VPS41: variants seen among roughly 807,000 people sequenced by gnomAD.
VPS41 encodes the protein vacuolar protein sorting-associated protein 41 homolog.
VPS41 carries 85 observed loss-of-function variants against 130.9 expected under a neutral mutation model. That is an observed-to-expected ratio of 0.65 (90% confidence interval 0.55 to 0.78). The LOEUF is 0.78. Ranked by LOEUF, VPS41 falls within the 30% of genes least tolerant of loss-of-function variation. The pLI is 0.00. For synonymous variants in VPS41, 335 were observed against 332.9 expected (o/e 1.01, Z -0.07); for missense variants, 874 against 1,018.7 (o/e 0.86, Z 1.93).
intron 1 of VPS41, among the ~76,000 whole-genome samples, chr7:38,907,890 T>C (rs1176598845): frequency 6.6e-6 from 1 of 152,196 alleles, no homozygotes; most frequent in African/African-American, 2.4e-5. Flanking sequence ...AAAGGAGCAA[T>C]GGCAGTCATG....
chr7:38,750,765 T>G (rs1783653242), intron 22 of VPS41, among the ~76,000 whole-genome samples: 1 of 152,288 alleles, frequency 6.6e-6, no homozygotes, highest in Middle Eastern at 3.4e-3. Flanking sequence ...TACTGGAACC[T>G]GGGTGGCGCC....
At chr7:38,728,495 A>G in intron 27 of VPS41, 47 bp downstream of exon 27, 1 of 1,608,048 alleles carries the variant, frequency 6.2e-7, no homozygotes, top group Non-Finnish European at 8.5e-7. Flanking sequence ...GATTCCACTC[A>G]TCATTAAAAT....
intron 6 of VPS41, among the ~76,000 whole-genome samples, chr7:38,819,246 A>G (rs1785118833): frequency 6.6e-6 from 1 of 152,264 alleles, no homozygotes; most frequent in East Asian, 1.9e-4. Flanking sequence ...CACTTCCTTC[A>G]TGCCTGTTTC....
intron 1 of VPS41, among the ~76,000 whole-genome samples, chr7:38,904,560 CTCTG>C (rs1787214485): frequency 1.3e-5 from 2 of 152,180 alleles, no homozygotes; most frequent in African/African-American, 4.8e-5. Flanking sequence ...GATGATTAAC[CTCTG>C]TCTTATTTAT....
chr7:38,841,787 A>G (rs1031051177), intron 4 of VPS41, among the ~76,000 whole-genome samples: 3 of 152,176 alleles, frequency 2.0e-5, no homozygotes, highest in Admixed American at 1.3e-4. Context: ...TATTTTTAGT[A>G]GAGATAGGGT....
chr7:38,732,088 G>GA (rs1584360880), intron 25 of VPS41, among the ~76,000 whole-genome samples: 1 of 152,120 alleles, frequency 6.6e-6, no homozygotes, highest in Non-Finnish European at 1.5e-5. Flanking sequence ...GCCTCATTAG[G>GA]AAAAAACCCC....
At position 38,725,560 on chromosome 7, in the gene VPS41, G is replaced by A. The variant is rs1360063345; in HGVS notation, c.*686C>T. 2 of 152,220 alleles carry A rather than the reference G, an allele frequency of 1.3e-5. No homozygotes were observed. The highest frequency in any genetic ancestry group is 3.8e-4 in the East Asian group (2 of 5,198). The allele number at this position is 152,220 out of a possible 1,614,324, so 9.4% of individuals were successfully genotyped here. On this transcript the variant is annotated 3_prime_UTR_variant, in exon 29 of 29. Coordinates refer to ENST00000310301, the MANE Select transcript of VPS41 (RefSeq NM_014396.4). ...AGTAAAAGTGAGTCCTTCACAATGA[G>A]AAGAGCTAACATTTATTCAATCAAC...
At chr7:38,835,356 C>T (rs993101399) in intron 4 of VPS41, among the ~76,000 whole-genome samples, 2 of 151,850 alleles carry the variant, frequency 1.3e-5, no homozygotes, top group African/African-American at 4.8e-5. Context: ...ATTATAATGA[C>T]TCATTTGTCA....
chr7:38,899,559 C>A (rs922008139), intron 1 of VPS41, among the ~76,000 whole-genome samples: 1 of 152,218 alleles, frequency 6.6e-6, no homozygotes, highest in Admixed American at 6.5e-5. Flanking sequence ...TTAACATTAA[C>A]AATCACTATT....
intron 4 of VPS41, among the ~76,000 whole-genome samples, chr7:38,832,725 TAA>T (rs1343748846): frequency 2.8e-4 from 42 of 152,326 alleles, no homozygotes; most frequent in African/African-American, 9.4e-4. Context: ...TTACTTCACC[TAA>T]TTGGAGCACG....
chr7:38,788,094 T>C (rs937824227), intron 10 of VPS41, among the ~76,000 whole-genome samples: 6 of 152,196 alleles, frequency 3.9e-5, no homozygotes, highest in African/African-American at 1.4e-4. Flanking sequence ...AGTGAGCATC[T>C]ACTGTGTGCC....
chr7:38,797,369 AC>A (rs200597522), intron 7 of VPS41, among the ~76,000 whole-genome samples: 7 of 152,136 alleles, frequency 4.6e-5, no homozygotes, highest in Non-Finnish European at 7.3e-5. Flanking sequence ...AAATAAAAAA[AC>A]AATTGGAATT....
At chr7:38,786,158 C>T (rs897093141) in intron 10 of VPS41, among the ~76,000 whole-genome samples, 53 of 152,116 alleles carry the variant, frequency 3.5e-4, no homozygotes, top group African/African-American at 1.2e-3. Context: ...CACTGTGTGA[C>T]ACCATGATTA....
chr7:38,845,512 A>G (rs1785705203), intron 4 of VPS41, among the ~76,000 whole-genome samples: 1 of 152,226 alleles, frequency 6.6e-6, no homozygotes, highest in Admixed American at 6.5e-5. Flanking sequence ...CAGAGCTTGC[A>G]ATGCCCACAT....
At chr7:38,827,053 C>T (rs1051056216) in intron 5 of VPS41, among the ~76,000 whole-genome samples, 47 of 152,204 alleles carry the variant, frequency 3.1e-4, no homozygotes, top group African/African-American at 9.6e-4. Context: ...TTCCTGACCC[C>T]GTGATCTGCC....
At chr7:38,857,674 T>G (rs1388855474) in intron 4 of VPS41, among the ~76,000 whole-genome samples, 3 of 152,186 alleles carry the variant, frequency 2.0e-5, no homozygotes, top group Admixed American at 6.5e-5. Context: ...ATATACCCAC[T>G]GTTGACTAAA....
chr7:38,895,695 T>C (rs1786970627), intron 2 of VPS41, among the ~76,000 whole-genome samples: 1 of 152,100 alleles, frequency 6.6e-6, no homozygotes, highest in South Asian at 2.1e-4. Flanking sequence ...CACCCTTAAT[T>C]TCCTCTGCTT....
chr7:38,870,613 C>T (rs1786330861), intron 2 of VPS41, among the ~76,000 whole-genome samples: 1 of 151,380 alleles, frequency 6.6e-6, no homozygotes, highest in Non-Finnish European at 1.5e-5. Context: ...TAAAATATTA[C>T]CAGGTATGCC....
At position 38,743,394 on chromosome 7, in the gene VPS41, A is replaced by G. The variant is rs1795922688; in HGVS notation, c.2122+8T>C. The G allele has an allele frequency of 1.9e-6, 3 of 1,613,644 alleles. No homozygotes were observed. The highest frequency in any genetic ancestry group is 2.5e-6 in the Non-Finnish European group (3 of 1,179,754). On this transcript the variant is annotated splice_region_variant and intron_variant, in intron 24 of 28. Transcript: ENST00000310301. ...AAAGTTATAACCAGAGATGGCTTTTATGCTTACGTGGTTTGTCAATGGAAT... is the reference window on the plus strand; with the variant it reads ...AAAGTTATAACCAGAGATGGCTTTTGTGCTTACGTGGTTTGTCAATGGAAT...
Sources: gnomAD v4.1 joint callset for allele counts (sites outside exome capture counted in the v4.1 genomes callset) on GRCh38, gnomAD v4.1.1 for gene constraint, MANE v1.5 for transcripts, NCBI Gene and HGNC (gene_info 2026-07-23, HGNC 2026-07-21) for gene names.